The following RPL26L1 variants were observed in gnomAD, a reference collection of about 807,000 sequenced individuals.
RPL26L1 encodes ribosomal protein L26 like 1, also known as ribosomal protein uL24-like.
In RPL26L1, 8 loss-of-function variants were observed where a neutral mutation model predicts 15.2. The ratio of observed to expected loss-of-function variants is 0.53; its 90% CI spans 0.31 to 0.95. RPL26L1 has a LOEUF of 0.95. Ranked by LOEUF, RPL26L1 falls within the 40% of genes least tolerant of loss-of-function variation. The probability of loss-of-function intolerance (pLI) is 0.05; values close to 1 mark genes in which losing one functional copy is unlikely to be tolerated. For synonymous variants in RPL26L1, 51 were observed against 65.9 expected, an observed-to-expected ratio of 0.77 and a Z score of 1.09; for missense variants, 146 against 190.9, an observed-to-expected ratio of 0.76 and a Z score of 1.39.
At chr5:172,965,912 A>G (rs963322414) in intron 2 of RPL26L1, among the ~76,000 whole-genome samples, 3 of 152,164 alleles carry the variant, frequency 2.0e-5, no homozygotes, top group African/African-American at 7.2e-5. Flanking sequence ...GTTCCAAACT[A>G]AACTATTTCC....
chr5:172,966,313 A>ATT (rs386405707), intron 2 of RPL26L1, among the ~76,000 whole-genome samples: 32,431 of 63,342 alleles, frequency 0.51, 12,952 homozygotes, highest in Non-Finnish European at 0.68. Flanking sequence ...CTGGCTAACT[A>ATT]TTTTTTTTTT....
chr5:172,966,834 A>G (rs1472145591), intron 2 of RPL26L1, among the ~76,000 whole-genome samples: 1 of 151,340 alleles, frequency 6.6e-6, no homozygotes, highest in Admixed American at 6.6e-5. Flanking sequence ...CTCTATGCTT[A>G]TTAATCAGAG....
At chr5:172,956,110 C>T (rs1390377663), upstream of RPL26L1, 4 of 152,068 alleles carry the variant, frequency 2.6e-5, no homozygotes, top group Admixed American at 2.6e-4. Context: ...ATTTTAATTA[C>T]ACAAATAACA....
Position 172,968,543 on chromosome 5 carries a change from G to A in RPL26L1, c.253G>A (p.Val85Met). The A allele has an allele frequency of 1.2e-6, 2 of 1,614,134 alleles. No homozygotes were observed. The highest frequency in any genetic ancestry group is 2.2e-5 in the East Asian group (1 of 44,882). ...RKKYVIYIER[V>M]QREKANGTTV... ...GAAATATGTCATCTACATCGAGCGG[G>A]TGCAGCGTGAGAAGGCCAACGGCAC... Residue 85 changes from valine (V) to methionine (M), a missense_variant, in exon 3 of 4, where the codon GTG (valine) becomes ATG (methionine). Val to Met is a conservative substitution (Grantham distance 21, BLOSUM62 1). Coordinates refer to ENST00000265100, the MANE Select transcript of RPL26L1 (RefSeq NM_016093.4).
upstream of RPL26L1, chr5:172,955,229 A>G: frequency 1.2e-5 from 4 of 339,216 alleles, no homozygotes; most frequent in Non-Finnish European, 2.3e-5. Flanking sequence ...CCCAGATTCA[A>G]GCAGTTCTCC....
chr5:172,960,730 T>G (rs1445681218), intron 2 of RPL26L1, among the ~76,000 whole-genome samples: 1 of 148,202 alleles, frequency 6.7e-6, no homozygotes, highest in Non-Finnish European at 1.5e-5. Flanking sequence ...GGAAGGGAGT[T>G]GGATATGAGT....
At chr5:172,955,811 CAGAG>C (rs1474291606), upstream of RPL26L1, 1 of 152,214 alleles carries the variant, frequency 6.6e-6, no homozygotes. Context: ...AAGGAGGAAA[CAGAG>C]AGACCTCGTA....
At chr5:172,958,049 G>T (rs1639492821), upstream of RPL26L1, 1 of 247,790 alleles carries the variant, frequency 4.0e-6, no homozygotes, top group African/African-American at 2.2e-5. Context: ...AGAATCACCT[G>T]AGGTCGGGAG....
chr5:172,968,500 A>G lies in RPL26L1; in HGVS notation c.210A>G (p.Val70=), dbSNP rs1581614493. 9.9e-6 allele frequency: 16 copies of G among 1,614,168 alleles called. No homozygotes were observed. In the East Asian group the frequency reaches 3.6e-4, roughly 36 times the overall value. ...GHYKGQQIGK[V]VQVYRKKYVI... ...ACAAAGGTCAGCAAATTGGCAAGGT[A>G]GTCCAGGTGTACAGAAAGAAATATG... Residue 70 remains valine, a synonymous_variant, in exon 3 of 4, where the codon GTA becomes GTG. Transcript: ENST00000265100.
upstream of RPL26L1, chr5:172,959,304 C>G (rs1439659686): frequency 6.3e-6 from 6 of 950,394 alleles, no homozygotes; most frequent in Non-Finnish European, 6.3e-6. Context: ...ATCGCCCTCC[C>G]GGGGCCGCCA....
At chr5:172,967,044 CAG>C (rs1167078663) in intron 2 of RPL26L1, among the ~76,000 whole-genome samples, 1 of 151,756 alleles carries the variant, frequency 6.6e-6, no homozygotes, top group Non-Finnish European at 1.5e-5. Context: ...TTAGTAGAGA[CAG>C]GGTTTCACCA....
upstream of RPL26L1, chr5:172,955,128 AGTTT>A (rs1245844864): frequency 9.2e-6 from 2 of 217,848 alleles, no homozygotes; most frequent in South Asian, 3.5e-5. Flanking sequence ...AGCTGTGGTT[AGTTT>A]TTTTTTTTTT....
upstream of RPL26L1, chr5:172,955,064 G>A (rs1268284209): frequency 6.6e-6 from 3 of 455,114 alleles, no homozygotes; most frequent in Middle Eastern, 3.2e-4. Context: ...AACCTGGGAA[G>A]AGGGGGTGAA....
chr5:172,954,676 T>G (rs1764316645), upstream of RPL26L1: 3 of 254,420 alleles, frequency 1.2e-5, no homozygotes, highest in Admixed American at 9.3e-5. Flanking sequence ...GATTTTTGGT[T>G]GGTTTATGTA....
upstream of RPL26L1, chr5:172,955,227 C>T (rs1290819109): frequency 3.0e-6 from 1 of 329,474 alleles, no homozygotes; most frequent in Non-Finnish European, 5.8e-6. Flanking sequence ...CTCCCAGATT[C>T]AAGCAGTTCT....
Position 172,960,010 on chromosome 5 carries a change from C to T in RPL26L1, c.137C>T (p.Ser46Phe). ...CTGCGGCAGAAGTACAATGTCCGCT[C>T]CATGCCCATCCGCAAGGACGACGAG... ...KELRQKYNVR[S>F]MPIRKDDEVQ... The change falls in exon 2 of 4, where the codon TCC becomes TTC. Residue 46 changes from serine (S) to phenylalanine (F), a missense_variant. By Grantham distance (155) the Ser-to-Phe change is radical (BLOSUM62 -2). Transcript: ENST00000265100. 1 of 1,614,174 alleles carries T rather than the reference C, an allele frequency of 6.2e-7. No homozygotes were observed. Among genetic ancestry groups the T allele is most frequent in the Non-Finnish European group, 8.5e-7 (1 of 1,180,032 alleles).
upstream of RPL26L1, chr5:172,957,545 GTAAA>G (rs763620992): frequency 1.8e-5 from 5 of 284,872 alleles, no homozygotes; most frequent in Non-Finnish European, 3.5e-5. Context: ...GAATGTATGA[GTAAA>G]TAAGTGGGTG....
upstream of RPL26L1, chr5:172,956,172 A>AG (rs1343194539): frequency 2.6e-5 from 4 of 152,250 alleles, no homozygotes; most frequent in African/African-American, 7.2e-5. Context: ...AAAAAGTAAA[A>AG]GGGGAAAAAC....
intron 2 of RPL26L1, among the ~76,000 whole-genome samples, chr5:172,961,090 G>A (rs1755218951): frequency 6.6e-6 from 1 of 152,166 alleles, no homozygotes; most frequent in Non-Finnish European, 1.5e-5. Flanking sequence ...TCAGTTAAGA[G>A]CTATTGTCTT....
Sources: gnomAD v4.1 joint callset for allele counts (sites outside exome capture counted in the v4.1 genomes callset) on GRCh38, gnomAD v4.1.1 for gene constraint, MANE v1.5 for transcripts, NCBI Gene and HGNC (gene_info 2026-07-23, HGNC 2026-07-21) for gene names.